Variants in CTNNA3 observed in about 807,000 individuals in gnomAD.
CTNNA3 encodes the protein catenin alpha-3.
In CTNNA3, 76 loss-of-function variants were observed where a neutral mutation model predicts 95.7. The observed-to-expected ratio is 0.79, with a 90% CI of 0.66 to 0.96. CTNNA3 has a LOEUF of 0.96. CTNNA3 is among the 40% of genes least tolerant of loss of function. CTNNA3 has a pLI of 0.00. For synonymous variants in CTNNA3, 431 were observed against 374.4 expected (o/e 1.15, Z -1.74); for missense variants, 1,191 against 1,089.8 (o/e 1.09, Z -1.31).
intron 12 of CTNNA3, among the ~76,000 whole-genome samples, chr10:66,333,478 C>T (rs1396871881): frequency 4.6e-5 from 7 of 151,974 alleles, no homozygotes; most frequent in East Asian, 1.9e-4. Flanking sequence ...GCCTTCATTT[C>T]GTTATGTACC....
intron 5 of CTNNA3, among the ~76,000 whole-genome samples, chr10:67,297,750 C>A (rs192391649): frequency 2.0e-5 from 3 of 152,280 alleles, no homozygotes; most frequent in East Asian, 3.9e-4. Flanking sequence ...TGCTCTTAGG[C>A]ACATCCTATT....
intron 17 of CTNNA3, among the ~76,000 whole-genome samples, chr10:65,953,285 T>A (rs957790705): frequency 6.6e-6 from 1 of 152,208 alleles, no homozygotes; most frequent in African/African-American, 2.4e-5. Context: ...ATTCTATTTC[T>A]AATTTAGGAC....
intron 5 of CTNNA3, among the ~76,000 whole-genome samples, chr10:67,305,209 G>A (rs1340153120): frequency 5.3e-5 from 8 of 152,104 alleles, no homozygotes; most frequent in Non-Finnish European, 1.0e-4. Context: ...CCGGGAGGTG[G>A]AGCTTGCAGT....
chr10:66,682,629 G>A (rs962510507), intron 9 of CTNNA3, among the ~76,000 whole-genome samples: 4 of 127,856 alleles, frequency 3.1e-5, no homozygotes, highest in South Asian at 2.5e-4. Context: ...TTTTCTAGGT[G>A]GAGGCTTTCT....
chr10:67,106,788 C>T (rs1489463818), intron 7 of CTNNA3, among the ~76,000 whole-genome samples: 2 of 152,152 alleles, frequency 1.3e-5, no homozygotes, highest in East Asian at 3.9e-4. Flanking sequence ...TTAAGGCTAT[C>T]ACTGAAGACA....
chr10:66,734,724 G>A (rs920129850), intron 9 of CTNNA3, among the ~76,000 whole-genome samples: 17 of 151,956 alleles, frequency 1.1e-4, no homozygotes, highest in Admixed American at 3.3e-4. Flanking sequence ...TTAGCCGGGC[G>A]TGGTGGCAGG....
chr10:66,846,961 A>G (rs1843305666), intron 7 of CTNNA3, among the ~76,000 whole-genome samples: 1 of 152,172 alleles, frequency 6.6e-6, no homozygotes, highest in Non-Finnish European at 1.5e-5. Flanking sequence ...GTTTTCCCCC[A>G]TTCACAAACA....
intron 10 of CTNNA3, among the ~76,000 whole-genome samples, chr10:66,610,583 C>A (rs1844294032): frequency 6.6e-6 from 1 of 152,024 alleles, no homozygotes; most frequent in African/African-American, 2.4e-5. Context: ...CAATGAGATA[C>A]AATCTCAGGC....
intron 11 of CTNNA3, among the ~76,000 whole-genome samples, chr10:66,444,366 T>A (rs138149713): frequency 0.26 from 40,115 of 151,598 alleles, 5,458 homozygotes; most frequent in South Asian, 0.39. Context: ...CCAAGACACA[T>A]AATTGTCAGA....
At chr10:66,170,853 G>T (rs942250307) in intron 13 of CTNNA3, among the ~76,000 whole-genome samples, 1 of 152,190 alleles carries the variant, frequency 6.6e-6, no homozygotes, top group Non-Finnish European at 1.5e-5. Flanking sequence ...CTAACAAGGG[G>T]CTGGGCACAG....
At chr10:66,642,267 CACACACACACAA>C (rs1380021219) in intron 9 of CTNNA3, among the ~76,000 whole-genome samples, 58 of 73,278 alleles carry the variant, frequency 7.9e-4, no homozygotes, top group East Asian at 3.0e-3. Context: ...CACACACACA[CACACACACACAA>C]ACACACACAC....
chr10:67,538,694 TG>T (rs1840567097), intron 4 of CTNNA3, among the ~76,000 whole-genome samples: 1 of 152,164 alleles, frequency 6.6e-6, no homozygotes, highest in African/African-American at 2.4e-5. Flanking sequence ...ATAAGACCAT[TG>T]CTTACTTAAT....
chr10:66,508,196 T>C (rs1840523005), intron 11 of CTNNA3, among the ~76,000 whole-genome samples: 1 of 147,456 alleles, frequency 6.8e-6, no homozygotes, highest in Non-Finnish European at 1.5e-5. Flanking sequence ...TTTTTTTGTT[T>C]TGTTTTGTTT....
At chr10:66,734,980 A>G (rs925417482) in intron 9 of CTNNA3, among the ~76,000 whole-genome samples, 1 of 151,578 alleles carries the variant, frequency 6.6e-6, no homozygotes, top group African/African-American at 2.4e-5. Flanking sequence ...TTTGTTTTAT[A>G]GATAAGATGT....
chr10:66,321,702 C>A (rs548150693), intron 12 of CTNNA3, among the ~76,000 whole-genome samples: 1 of 152,070 alleles, frequency 6.6e-6, no homozygotes, highest in Non-Finnish European at 1.5e-5. Context: ...TTTATACTCT[C>A]CGAGTGTATT....
At chr10:67,505,234 C>A (rs888082563) in intron 5 of CTNNA3, among the ~76,000 whole-genome samples, 1 of 152,180 alleles carries the variant, frequency 6.6e-6, no homozygotes, top group Non-Finnish European at 1.5e-5. Context: ...TGGATACTTA[C>A]CAGAATAATC....
intron 13 of CTNNA3, among the ~76,000 whole-genome samples, chr10:66,110,178 T>C (rs1362092373): frequency 1.3e-5 from 2 of 151,628 alleles, no homozygotes; most frequent in Admixed American, 1.3e-4. Context: ...CTGGCCAACA[T>C]GGTGAAACCC....
chr10:66,398,497 G>A (rs557789724), intron 11 of CTNNA3, among the ~76,000 whole-genome samples: 1 of 151,870 alleles, frequency 6.6e-6, no homozygotes, highest in Admixed American at 6.6e-5. Flanking sequence ...AGACAGTAAC[G>A]CATAGAACAC....
intron 9 of CTNNA3, among the ~76,000 whole-genome samples, chr10:66,687,371 C>A (rs1026414449): frequency 6.6e-6 from 1 of 151,974 alleles, no homozygotes; most frequent in African/African-American, 2.4e-5. Flanking sequence ...TTCTTCTCAG[C>A]GAATTTCATT....
Sources: gnomAD v4.1 joint callset for allele counts (sites outside exome capture counted in the v4.1 genomes callset) on GRCh38, gnomAD v4.1.1 for gene constraint, MANE v1.5 for transcripts, NCBI Gene and HGNC (gene_info 2026-07-23, HGNC 2026-07-21) for gene names.